Variants in LAMA2 observed in about 807,000 individuals in gnomAD.
LAMA2 encodes the protein laminin subunit alpha-2.
A neutral mutation model predicts 364.8 loss-of-function variants in LAMA2; 269 were observed. The observed-to-expected ratio is 0.74, with a 90% confidence interval of 0.67 to 0.82. LAMA2 has a LOEUF of 0.82. LAMA2 is among the 40% of genes least tolerant of loss of function. LAMA2 has a pLI of 0.00. For missense variants in LAMA2, 3,807 were observed against 3,873.2 expected (o/e 0.98, Z 0.45); for synonymous variants, 1,379 against 1,370.6 (o/e 1.01, Z -0.14).
At chr6:128,957,602 A>T (rs907031923) in intron 1 of LAMA2, among the ~76,000 whole-genome samples, 8 of 151,692 alleles carry the variant, frequency 5.3e-5, no homozygotes, top group African/African-American at 9.7e-5. Context: ...TGCTTTTTTT[A>T]GGGGGGGAAG....
chr6:129,165,252 T>C (rs1238762975), intron 8 of LAMA2, among the ~76,000 whole-genome samples: 1 of 152,012 alleles, frequency 6.6e-6, no homozygotes, highest in Non-Finnish European at 1.5e-5. Context: ...GAACACAGTG[T>C]AGTTTTGTTT....
chr6:129,093,336 A>G (rs566699062), intron 3 of LAMA2, among the ~76,000 whole-genome samples: 1 of 151,410 alleles, frequency 6.6e-6, no homozygotes, highest in South Asian at 2.1e-4. Context: ...TGCATGTTCT[A>G]GAAACTGATT....
At chr6:129,379,211 G>A (rs116465194) in intron 34 of LAMA2, among the ~76,000 whole-genome samples, 1,635 of 152,170 alleles carry the variant, frequency 0.011, 33 homozygotes, top group African/African-American at 0.032. Context: ...ACCAGAGGGC[G>A]GAGGATGGGA....
At chr6:129,466,578 G>A (rs1025746887) in intron 51 of LAMA2, among the ~76,000 whole-genome samples, 2 of 151,954 alleles carry the variant, frequency 1.3e-5, no homozygotes, top group African/African-American at 2.4e-5. Flanking sequence ...GAGGCACAAT[G>A]CACATTTGCA....
intron 12 of LAMA2, among the ~76,000 whole-genome samples, chr6:129,203,990 G>A (rs1782462000): frequency 1.3e-5 from 2 of 152,128 alleles, no homozygotes; most frequent in Non-Finnish European, 2.9e-5. Context: ...AATTTATTTT[G>A]GAGATCTTCC....
chr6:129,208,373 G>A (rs995164858), intron 12 of LAMA2, among the ~76,000 whole-genome samples: 2 of 151,982 alleles, frequency 1.3e-5, no homozygotes, highest in African/African-American at 4.8e-5. Context: ...TTTGGTATTA[G>A]CTATTATTAT....
In LAMA2 at chr6:129,454,169, T is replaced by C; in HGVS notation, c.6588T>C (p.Ala2196=). The change falls in exon 47 of 65, where the codon GCT becomes GCC. Residue 2196 remains alanine (A), a synonymous_variant. Transcript: ENST00000421865. The stretch of plus-strand genomic sequence containing the variant: ...CTCTGAACTAGATTGACTTTCTGGC[T>C]ATAGAAATGCGTAAAGGCAAAGTCA... ...LGSAKFIDFL[A]IEMRKGKVSF... is the part of the protein sequence containing the mutation. 1 of 1,612,648 alleles carries C rather than the reference T, an allele frequency of 6.2e-7. No homozygotes were observed.
chr6:129,165,527 T>C, intron 8 of LAMA2, 49 bp from the exon 9 acceptor site: 1 of 1,257,290 alleles, frequency 8.0e-7, no homozygotes, highest in Non-Finnish European at 1.2e-6. Context: ...GTGAAAAATA[T>C]TGCTGTTTCT....
chr6:129,313,977 G>A (rs1379641364), intron 23 of LAMA2, among the ~76,000 whole-genome samples: 1 of 152,134 alleles, frequency 6.6e-6, no homozygotes, highest in East Asian at 1.9e-4. Flanking sequence ...TTAACCTGCT[G>A]CCTATTTCTT....
At chr6:129,137,819 C>T (rs1365184569) in intron 4 of LAMA2, among the ~76,000 whole-genome samples, 3 of 151,946 alleles carry the variant, frequency 2.0e-5, no homozygotes, top group Non-Finnish European at 4.4e-5. Flanking sequence ...TTATGCTAAA[C>T]ACTGAGGGTT....
At chr6:129,103,739 A>T (rs1562241794) in intron 4 of LAMA2, among the ~76,000 whole-genome samples, 1 of 151,674 alleles carries the variant, frequency 6.6e-6, no homozygotes, top group East Asian at 1.9e-4. Flanking sequence ...ATATATGCAT[A>T]TTTTTTTCTT....
chr6:129,173,526 CT>C lies in LAMA2; in HGVS notation c.1307-4177del, dbSNP rs776556927. Among the ~76,000 whole-genome samples, 16 of 152,280 alleles carry C rather than the reference CT, an allele frequency of 1.1e-4. No individual in the cohort carries two copies. In the East Asian group the frequency reaches 1.7e-3, roughly 17 times the overall value. Reference sequence around the variant, plus strand: ...TTGTCAGTGTCTGTCAATTACATATCTTTGAAATCTTTTCAAAGATTTTCAC... The same window carrying C: ...TTGTCAGTGTCTGTCAATTACATATCTTGAAATCTTTTCAAAGATTTTCAC... On this transcript the variant is annotated intron_variant, in intron 9 of 64. Coordinates refer to ENST00000421865, the MANE Select transcript of LAMA2 (RefSeq NM_000426.4).
At chr6:129,035,412 T>C (rs1400243875) in intron 1 of LAMA2, among the ~76,000 whole-genome samples, 1 of 151,800 alleles carries the variant, frequency 6.6e-6, no homozygotes. Context: ...TATTAGTCAT[T>C]TGTCAGATGC....
At chr6:128,965,675 A>G (rs1347049688) in intron 1 of LAMA2, among the ~76,000 whole-genome samples, 2 of 152,066 alleles carry the variant, frequency 1.3e-5, no homozygotes, top group Admixed American at 6.6e-5. Flanking sequence ...ATAAACAATC[A>G]TCGATGACAT....
chr6:129,035,528 A>ATTTT (rs143564398), intron 1 of LAMA2, among the ~76,000 whole-genome samples: 12 of 133,482 alleles, frequency 9.0e-5, no homozygotes, highest in East Asian at 4.4e-4. Flanking sequence ...CCATTTGTTC[A>ATTTT]TTTTTTTTTT....
chr6:129,091,848 T>C (rs147600388), intron 3 of LAMA2, among the ~76,000 whole-genome samples: 3 of 152,354 alleles, frequency 2.0e-5, no homozygotes, highest in African/African-American at 7.2e-5. Flanking sequence ...TTATCACTGA[T>C]GCTTGACTTA....
chr6:128,942,993 A>T (rs977063994), intron 1 of LAMA2, among the ~76,000 whole-genome samples: 6 of 152,208 alleles, frequency 3.9e-5, no homozygotes, highest in African/African-American at 1.4e-4. Flanking sequence ...TTTCATTGTC[A>T]TCAGTTCTAT....
At chr6:129,020,804 G>A (rs552873339) in intron 1 of LAMA2, among the ~76,000 whole-genome samples, 30 of 152,252 alleles carry the variant, frequency 2.0e-4, no homozygotes, top group Non-Finnish European at 3.7e-4. Context: ...TTGAGGAGAG[G>A]CAGAGGGGCG....
In LAMA2 at chr6:129,172,460, G is replaced by A. The variant is rs375147734; in HGVS notation, c.1307-5246G>A. ...TGTGAGGTGTCAGTGTGCCCCTGCT[G>A]GGGGGTGCCTCCCAGTTACGCTGCT... On this transcript the variant is annotated intron_variant, in intron 9 of 64. Transcript: ENST00000421865. 4.8e-4 allele frequency among the ~76,000 whole-genome samples: 73 copies of A among 151,854 alleles called. 1 individual carries two copies. The East Asian group carries it at 0.012, about 25-fold the overall frequency.
Sources: gnomAD v4.1 joint callset for allele counts (sites outside exome capture counted in the v4.1 genomes callset) on GRCh38, gnomAD v4.1.1 for gene constraint, MANE v1.5 for transcripts, NCBI Gene and HGNC (gene_info 2026-07-23, HGNC 2026-07-21) for gene names.